CUL3: variants seen among roughly 807,000 people sequenced by gnomAD.
The protein encoded by CUL3 is cullin 3.
CUL3 carries 19 observed loss-of-function variants against 89.1 expected under a neutral mutation model. The ratio of observed to expected loss-of-function variants is 0.21; its 90% confidence interval spans 0.15 to 0.31. The LOEUF is 0.31. CUL3 is among the 10% of genes least tolerant of loss of function. The probability of loss-of-function intolerance (pLI) is 1.00; values close to 1 mark genes in which losing one functional copy is unlikely to be tolerated. For synonymous variants in CUL3, 351 were observed against 308.4 expected, an observed-to-expected ratio of 1.14 and a Z score of -1.45; for missense variants, 469 against 942.3, an observed-to-expected ratio of 0.50 and a Z score of 6.58.
rs1362054842 is a variant in CUL3 at position 224,470,554 on chromosome 2, CAAAGG to C, written c.*3686_*3690del. On this transcript the variant is annotated 3_prime_UTR_variant, in exon 16 of 16. Transcript: ENST00000264414. ...GCTAATTTGACATAGGAAAGGCACA[CAAAGG>C]AAAACATTTTGTAAAACTGTAGATT... 2 of 231,700 alleles carry C rather than the reference CAAAGG, an allele frequency of 8.6e-6. No individual in the cohort carries two copies. Among genetic ancestry groups the C allele is most frequent in the Non-Finnish European group, 1.7e-5 (2 of 117,132 alleles). The allele number at this position is 231,700 out of a possible 1,614,324, so 14.4% of individuals were successfully genotyped here.
At position 224,495,928 on chromosome 2, in the gene CUL3, T is replaced by G; in HGVS notation, c.1746A>C (p.Val582=). The change falls in exon 13 of 16, where the codon GTA becomes GTC. Residue 582 remains valine, a synonymous_variant. Coordinates refer to ENST00000264414, the MANE Select transcript of CUL3 (RefSeq NM_003590.5). ...TGTGCTTCCGTGTATTAGAGCCAGT[T>G]ACTTGTGCACCTCCAACACCAACTT... ...GSEVGVGGAQ[V]TGSNTRKHIL... 6.2e-7 allele frequency: 1 copy of G among 1,614,090 alleles called. No homozygotes were observed. The highest frequency in any genetic ancestry group is 8.5e-7 in the Non-Finnish European group (1 of 1,179,954).
At chr2:224,526,597 A>AAG (rs1693486407) in intron 3 of CUL3, among the ~76,000 whole-genome samples, 1 of 147,348 alleles carries the variant, frequency 6.8e-6, no homozygotes, top group Non-Finnish European at 1.5e-5. Context: ...AAAAAAAAAA[A>AAG]AAAAAAAAAA....
intron 10 of CUL3, among the ~76,000 whole-genome samples, chr2:224,501,293 C>G (rs541859452): frequency 1.2e-4 from 18 of 152,320 alleles, no homozygotes; most frequent in African/African-American, 4.1e-4. Context: ...CCTCTGCATA[C>G]AGATCCAGTG....
At chr2:224,474,702 T>G (rs765301273) in intron 15 of CUL3, among the ~76,000 whole-genome samples, 3 of 152,194 alleles carry the variant, frequency 2.0e-5, no homozygotes, top group Non-Finnish European at 4.4e-5. Flanking sequence ...TACTCAAAAC[T>G]CACAGAACTT....
At chr2:224,494,599 A>G (rs761456665) in intron 13 of CUL3, among the ~76,000 whole-genome samples, 3 of 152,186 alleles carry the variant, frequency 2.0e-5, no homozygotes, top group Non-Finnish European at 4.4e-5. Context: ...ACCCACCCAT[A>G]TATGATCAAT....
chr2:224,522,936 T>C (rs1474821328), intron 3 of CUL3, among the ~76,000 whole-genome samples: 1 of 152,200 alleles, frequency 6.6e-6, no homozygotes. Context: ...TACCAAGATA[T>C]TGGACAAATC....
intron 3 of CUL3, among the ~76,000 whole-genome samples, chr2:224,522,070 T>TAAAAAAAAAAAAA (rs71062936): frequency 1.5e-5 from 2 of 133,670 alleles, no homozygotes; most frequent in Non-Finnish European, 3.3e-5. Flanking sequence ...CATTTAAAAT[T>TAAAAAAAAAAAAA]AAAAAAAAAA....
At position 224,473,954 on chromosome 2, in the gene CUL3, CTCTTT is replaced by C. The variant is rs1477023835; in HGVS notation, c.*286_*290del. 2.3e-5 allele frequency: 6 copies of C among 260,540 alleles called. No individual in the cohort carries two copies. Among genetic ancestry groups the C allele is most frequent in the Admixed American group, 1.5e-4 (3 of 19,754 alleles). 16.1% of individuals were successfully genotyped at this position (260,540 alleles called of 1,614,324 possible). A position where few individuals can be genotyped will look rare whatever the true frequency, so the allele number is the denominator to read the frequency against. Reference sequence around the variant, plus strand: ...GTAATGAGCTGTATTTTCTAAATTTCTCTTTTATTTTCCTGTTTTCATACAGTAAA... The same window carrying C: ...GTAATGAGCTGTATTTTCTAAATTTCTATTTTCCTGTTTTCATACAGTAAA... On this transcript the variant is annotated 3_prime_UTR_variant, in exon 16 of 16. Coordinates refer to ENST00000264414, the MANE Select transcript of CUL3 (RefSeq NM_003590.5).
intron 3 of CUL3, among the ~76,000 whole-genome samples, chr2:224,530,890 G>C (rs55650048): frequency 0.29 from 43,527 of 151,952 alleles, 6,537 homozygotes; most frequent in Middle Eastern, 0.41. Context: ...CTGGGCGACA[G>C]AGCAAGACCC....
intron 13 of CUL3, among the ~76,000 whole-genome samples, chr2:224,483,622 A>G (rs1691610707): frequency 6.6e-6 from 1 of 152,232 alleles, no homozygotes; most frequent in African/African-American, 2.4e-5. Flanking sequence ...ATGCATATAC[A>G]TGAACGTACA....
intron 13 of CUL3, among the ~76,000 whole-genome samples, chr2:224,491,628 C>G (rs531945078): frequency 6.6e-6 from 1 of 152,270 alleles, no homozygotes; most frequent in African/African-American, 2.4e-5. Flanking sequence ...TAGGCAACTT[C>G]ATCTTGTTCC....
chr2:224,542,213 T>C (rs1694136328), intron 2 of CUL3, among the ~76,000 whole-genome samples: 1 of 152,246 alleles, frequency 6.6e-6, no homozygotes, highest in South Asian at 2.1e-4. Context: ...TGAACCACTC[T>C]GCAACAATTC....
intron 1 of CUL3, chr2:224,569,696 GA>G: frequency 8.4e-7 from 1 of 1,197,300 alleles, no homozygotes; most frequent in Non-Finnish European, 1.1e-6. Flanking sequence ...TACACATCTT[GA>G]AGGTTCTGTG....
rs772430576 is a variant in CUL3 at position 224,471,391 on chromosome 2, T to C, written c.*2854A>G. The C allele has an allele frequency of 8.1e-5, 16 of 198,484 alleles. No individual in the cohort carries two copies. Among genetic ancestry groups the C allele is most frequent in the Admixed American group, 2.4e-4 (4 of 16,520 alleles). 12.3% of individuals were successfully genotyped at this position (198,484 alleles called of 1,614,324 possible). A position where few individuals can be genotyped will look rare whatever the true frequency, so the allele number is the denominator to read the frequency against. On this transcript the variant is annotated 3_prime_UTR_variant, in exon 16 of 16. Transcript: ENST00000264414. Reference sequence around the variant, plus strand: ...CTTTCCAAATTAAGGAATTAAATAATATTTAGAAACCTAAGATGATGCCAG... The same window carrying C: ...CTTTCCAAATTAAGGAATTAAATAACATTTAGAAACCTAAGATGATGCCAG...
intron 13 of CUL3, among the ~76,000 whole-genome samples, chr2:224,484,823 G>T (rs1456373322): frequency 6.6e-6 from 1 of 152,094 alleles, no homozygotes; most frequent in Non-Finnish European, 1.5e-5. Flanking sequence ...TTTTAGAAAC[G>T]ACAAATTTGA....
In CUL3 at chr2:224,487,442, C is replaced by A. The variant is rs866497733; in HGVS notation, c.1843-5364G>T. 3.1e-4 allele frequency among the ~76,000 whole-genome samples: 28 copies of A among 90,130 alleles called. No homozygotes were observed. The South Asian group carries it at 4.6e-3, about 15-fold the overall frequency. 59.1% of individuals were successfully genotyped at this position (90,130 alleles called of 152,430 possible). A position where few individuals can be genotyped will look rare whatever the true frequency, so the allele number is the denominator to read the frequency against. Reference sequence around the variant, plus strand: ...GGAATATTTACCAAGCCCGCCCCCCCCAAAAAAAAAAAAAAAAAAAAAAGC... The same window carrying A: ...GGAATATTTACCAAGCCCGCCCCCCACAAAAAAAAAAAAAAAAAAAAAAGC... On this transcript the variant is annotated intron_variant, in intron 13 of 15. Transcript: ENST00000264414.
At chr2:224,581,315 G>A (rs944314627) in intron 1 of CUL3, among the ~76,000 whole-genome samples, 4 of 150,822 alleles carry the variant, frequency 2.7e-5, no homozygotes, top group Middle Eastern at 3.4e-3. Context: ...AGAATCGCTC[G>A]AACCCAGGAG....
At chr2:224,525,132 T>C (rs1461601673) in intron 3 of CUL3, among the ~76,000 whole-genome samples, 1 of 151,838 alleles carries the variant, frequency 6.6e-6, no homozygotes, top group Non-Finnish European at 1.5e-5. Context: ...ACAAACTAAA[T>C]GCTTCAATAT....
At chr2:224,486,949 G>T (rs1350522372) in intron 13 of CUL3, among the ~76,000 whole-genome samples, 1 of 152,094 alleles carries the variant, frequency 6.6e-6, no homozygotes, top group East Asian at 1.9e-4. Flanking sequence ...AAGAGAGTGG[G>T]GGGGGCCAAT....
Sources: gnomAD v4.1 joint callset for allele counts (sites outside exome capture counted in the v4.1 genomes callset) on GRCh38, gnomAD v4.1.1 for gene constraint, MANE v1.5 for transcripts, NCBI Gene and HGNC (gene_info 2026-07-23, HGNC 2026-07-21) for gene names.